The following MYOCOS variants were observed in gnomAD, a reference collection of about 807,000 sequenced individuals.
MYOCOS encodes the protein myocilin opposite strand.
chr1:171,623,957 G>C lies in MYOCOS; in HGVS notation c.74G>C (p.Arg25Pro), dbSNP rs528034006. ...YKDLTSEVTRRRVTMITRKEI... is the reference protein window; with the variant it reads ...YKDLTSEVTRPRVTMITRKEI... ...GACTTGACCTCCGAGGTAACCAGGCGCCGAGTCACCATGATCACAAGGTAC... is the reference window on the plus strand; with the variant it reads ...GACTTGACCTCCGAGGTAACCAGGCCCCGAGTCACCATGATCACAAGGTAC... Residue 25 changes from arginine to proline, a missense_variant, in exon 2 of 3, where the codon CGC becomes CCC. Coordinates refer to ENST00000637642, the MANE Select transcript of MYOCOS (RefSeq NM_001391940.1). 10 of 398,400 alleles carry C rather than the reference G, an allele frequency of 2.5e-5. No homozygotes were observed. The Admixed American group carries it at 4.4e-4, about 18-fold the overall frequency. 24.7% of individuals were successfully genotyped at this position (398,400 alleles called of 1,614,324 possible).
intron 1 of MYOCOS, among the ~76,000 whole-genome samples, chr1:171,603,614 G>A (rs1236766642): frequency 6.6e-6 from 1 of 152,198 alleles, no homozygotes. Flanking sequence ...ACAGCAATGA[G>A]CTTTTCATGA....
chr1:171,615,567 C>T (rs1192448186), intron 2 of MYOCOS, among the ~76,000 whole-genome samples: 2 of 152,144 alleles, frequency 1.3e-5, no homozygotes, highest in Non-Finnish European at 2.9e-5. Context: ...CTGGCCTAAA[C>T]CCAGTAGTTA....
At chr1:171,608,175 G>A (rs565223395) in intron 1 of MYOCOS, among the ~76,000 whole-genome samples, 82 of 152,166 alleles carry the variant, frequency 5.4e-4, no homozygotes, top group African/African-American at 1.8e-3. Context: ...GTGGGGACAC[G>A]GCCAAACCAT....
At chr1:171,613,754 C>T (rs1012282227) in intron 1 of MYOCOS, among the ~76,000 whole-genome samples, 6 of 152,068 alleles carry the variant, frequency 3.9e-5, no homozygotes, top group African/African-American at 1.4e-4. Flanking sequence ...CACTATGTTG[C>T]CCCGGTTGGT....
upstream of MYOCOS, among the ~76,000 whole-genome samples, chr1:171,621,049 C>T (rs1051182810): frequency 4.0e-5 from 6 of 151,702 alleles, no homozygotes; most frequent in Non-Finnish European, 5.9e-5. Flanking sequence ...ATTACAGGCA[C>T]GAGCCACCGT....
At chr1:171,619,947 A>C (rs1446115113), upstream of MYOCOS, among the ~76,000 whole-genome samples, 1 of 151,110 alleles carries the variant, frequency 6.6e-6, no homozygotes, top group Non-Finnish European at 1.5e-5. Context: ...AAGCCCCTCC[A>C]ACATCAGACT....
intron 1 of MYOCOS, chr1:171,604,512 C>CTA (rs2102931738): frequency 6.6e-6 from 1 of 152,340 alleles, no homozygotes; most frequent in East Asian, 1.9e-4. Flanking sequence ...CCGATGTGTG[C>CTA]TATGACTCCT....
chr1:171,625,289 C>T (rs974432827), intron 2 of MYOCOS, among the ~76,000 whole-genome samples: 3 of 152,172 alleles, frequency 2.0e-5, no homozygotes, highest in Admixed American at 6.5e-5. Flanking sequence ...CAATTCCCTT[C>T]CCATCATCCC....
intron 2 of MYOCOS, among the ~76,000 whole-genome samples, chr1:171,617,214 C>G (rs1652466306): frequency 6.6e-6 from 1 of 152,092 alleles, no homozygotes; most frequent in African/African-American, 2.4e-5. Context: ...TGCCTATAGC[C>G]TCCCAAGTGT....
At chr1:171,608,201 C>T (rs1428781763) in intron 1 of MYOCOS, among the ~76,000 whole-genome samples, 1 of 152,088 alleles carries the variant, frequency 6.6e-6, no homozygotes, top group Non-Finnish European at 1.5e-5. Flanking sequence ...TCAGGGCTTA[C>T]AGGATACACT....
chr1:171,618,867 T>C (rs1045594417), upstream of MYOCOS, among the ~76,000 whole-genome samples: 3 of 152,208 alleles, frequency 2.0e-5, no homozygotes, highest in Admixed American at 6.5e-5. Flanking sequence ...TGAACCACCA[T>C]GTCTGGACTC....
intron 1 of MYOCOS, among the ~76,000 whole-genome samples, chr1:171,613,899 T>A (rs1056026837): frequency 4.6e-5 from 7 of 152,188 alleles, no homozygotes; most frequent in African/African-American, 7.2e-5. Context: ...CTTTATATGC[T>A]GCCAAAGAGG....
At chr1:171,617,893 C>T (rs1572204547), upstream of MYOCOS, among the ~76,000 whole-genome samples, 1 of 151,972 alleles carries the variant, frequency 6.6e-6, no homozygotes, top group Admixed American at 6.6e-5. Context: ...GAAGGGTTGG[C>T]CCCTGAAAAG....
intron 2 of MYOCOS, chr1:171,615,063 G>A (rs1351914915): frequency 6.6e-6 from 1 of 152,294 alleles, no homozygotes; most frequent in African/African-American, 2.4e-5. Context: ...AAGGCAGATT[G>A]TATCAGACCT....
chr1:171,616,266 G>A (rs980417171), intron 2 of MYOCOS, among the ~76,000 whole-genome samples: 11 of 150,766 alleles, frequency 7.3e-5, no homozygotes, highest in Non-Finnish European at 1.0e-4. Flanking sequence ...AGGGCTGGGC[G>A]CAGTGGCTCA....
upstream of MYOCOS, among the ~76,000 whole-genome samples, chr1:171,618,238 A>G (rs1441084550): frequency 1.3e-5 from 2 of 152,254 alleles, no homozygotes; most frequent in African/African-American, 2.4e-5. Context: ...CACTCAACCA[A>G]CCAAGTTCAG....
intron 1 of MYOCOS, among the ~76,000 whole-genome samples, chr1:171,609,980 A>G (rs1040163070): frequency 1.3e-5 from 2 of 152,162 alleles, no homozygotes; most frequent in African/African-American, 4.8e-5. Flanking sequence ...CATGGTTGTT[A>G]GTAGGCCTCA....
chr1:171,619,546 C>T (rs1652515420), upstream of MYOCOS, among the ~76,000 whole-genome samples: 1 of 152,114 alleles, frequency 6.6e-6, no homozygotes, highest in Non-Finnish European at 1.5e-5. Context: ...ACACACAAAA[C>T]AGATTATTTA....
rs184887860 is a variant in MYOCOS, at chr1:171,606,742, C to T, written c.-252+5662C>T. ...AGGAGCTCAGATTTTAAGGCAGTAG[C>T]TTGCCAATGCTCCCAGCTGAATAAA... is the stretch of plus-strand genomic sequence containing the variant. On this transcript the variant is annotated intron_variant, in intron 1 of 3. Coordinates refer to the MYOCOS transcript ENST00000636697. Among the ~76,000 whole-genome samples the T allele has an allele frequency of 7.2e-5, 11 of 152,322 alleles. No homozygotes were observed. In the East Asian group the frequency reaches 1.9e-3, roughly 27 times the overall value.
Sources: gnomAD v4.1 joint callset for allele counts (sites outside exome capture counted in the v4.1 genomes callset) on GRCh38, gnomAD v4.1.1 for gene constraint, MANE v1.5 for transcripts, NCBI Gene and HGNC (gene_info 2026-07-23, HGNC 2026-07-21) for gene names.